Variants in FBXL7 observed in about 807,000 individuals in gnomAD.
The protein encoded by FBXL7 is F-box/LRR-repeat protein 7.
Under a neutral mutation model 38.3 loss-of-function variants are expected in FBXL7, and 12 were observed. That is an observed-to-expected ratio of 0.31 (90% confidence interval 0.20 to 0.51). The LOEUF is 0.51. FBXL7 is among the 20% of genes least tolerant of loss of function. The pLI is 0.98. For missense variants in FBXL7, 567 were observed against 676.4 expected, an observed-to-expected ratio of 0.84 and a Z score of 1.79; for synonymous variants, 297 against 300.9, an observed-to-expected ratio of 0.99 and a Z score of 0.13.
At chr5:15,846,657 G>A (rs1738912437) in intron 2 of FBXL7, among the ~76,000 whole-genome samples, 2 of 152,182 alleles carry the variant, frequency 1.3e-5, no homozygotes, top group Admixed American at 1.3e-4. Context: ...CTGACTGGTT[G>A]AGCTTAAAAT....
In FBXL7 at chr5:15,500,648, C is replaced by A; in HGVS notation, c.-29C>A. Reference sequence around the variant, plus strand: ...CGTGCGCCGCAGCTATGGAGTGTCCCGGGAGACGGCGGGCATGACGGCTAC... The same window carrying A: ...CGTGCGCCGCAGCTATGGAGTGTCCAGGGAGACGGCGGGCATGACGGCTAC... On this transcript the variant is annotated 5_prime_UTR_variant, in exon 1 of 4. Transcript: ENST00000504595. 1 of 1,613,404 alleles carries A rather than the reference C, an allele frequency of 6.2e-7. No homozygotes were observed. Among genetic ancestry groups the A allele is most frequent in the Non-Finnish European group, 8.5e-7 (1 of 1,179,550 alleles).
chr5:15,738,823 A>G (rs537397723), intron 2 of FBXL7, among the ~76,000 whole-genome samples: 2 of 152,328 alleles, frequency 1.3e-5, no homozygotes, highest in South Asian at 4.1e-4. Context: ...GTAGGGAAAG[A>G]AGACAACTAA....
intron 2 of FBXL7, among the ~76,000 whole-genome samples, chr5:15,757,431 A>G (rs1485034186): frequency 6.6e-6 from 1 of 152,056 alleles, no homozygotes; most frequent in African/African-American, 2.4e-5. Context: ...CGAACTTCAG[A>G]TACTAATCTC....
intron 2 of FBXL7, among the ~76,000 whole-genome samples, chr5:15,641,982 TG>T (rs1741382068): frequency 1.4e-5 from 2 of 144,512 alleles, no homozygotes; most frequent in Non-Finnish European, 3.1e-5. Context: ...TGTGTGTGTG[TG>T]TGTCCTATTG....
intron 1 of FBXL7, among the ~76,000 whole-genome samples, chr5:15,535,230 G>A (rs112252262): frequency 0.017 from 2,622 of 152,202 alleles, 82 homozygotes; most frequent in African/African-American, 0.06. Context: ...GAAAAAAAGC[G>A]AAATAATACA....
At chr5:15,805,342 G>A (rs1737680735) in intron 2 of FBXL7, among the ~76,000 whole-genome samples, 1 of 152,128 alleles carries the variant, frequency 6.6e-6, no homozygotes. Context: ...GGCCAGTGAG[G>A]AGGGATGTTA....
At chr5:15,553,890 T>A (rs892878490) in intron 1 of FBXL7, among the ~76,000 whole-genome samples, 2 of 152,190 alleles carry the variant, frequency 1.3e-5, no homozygotes, top group Admixed American at 1.3e-4. Flanking sequence ...CTCTTTCTCT[T>A]CCTCAGTGGG....
intron 2 of FBXL7, among the ~76,000 whole-genome samples, chr5:15,627,978 G>A (rs1201587476): frequency 1.3e-5 from 2 of 152,082 alleles, no homozygotes; most frequent in East Asian, 1.9e-4. Context: ...TTCTGTATAT[G>A]TAAAAAAGAA....
chr5:15,577,947 G>T (rs1561035777), intron 1 of FBXL7, among the ~76,000 whole-genome samples: 1 of 152,162 alleles, frequency 6.6e-6, no homozygotes. Flanking sequence ...GCATATTGCA[G>T]ATTGACATGG....
chr5:15,521,079 C>T (rs1737085784), intron 1 of FBXL7, among the ~76,000 whole-genome samples: 1 of 152,178 alleles, frequency 6.6e-6, no homozygotes, highest in African/African-American at 2.4e-5. Context: ...TCCCAGGATT[C>T]AAACTAGCTG....
At chr5:15,607,843 G>T (rs1740082098) in intron 1 of FBXL7, among the ~76,000 whole-genome samples, 1 of 152,176 alleles carries the variant, frequency 6.6e-6, no homozygotes, top group African/African-American at 2.4e-5. Flanking sequence ...TTGCTTTGAT[G>T]TTTGTTTGTA....
At chr5:15,663,731 T>C (rs1742167309) in intron 2 of FBXL7, among the ~76,000 whole-genome samples, 1 of 152,214 alleles carries the variant, frequency 6.6e-6, no homozygotes, top group African/African-American at 2.4e-5. Flanking sequence ...GCAAGTATTT[T>C]GTTGAGGGTT....
chr5:15,721,669 T>C (rs1266763238), intron 2 of FBXL7, among the ~76,000 whole-genome samples: 1 of 152,180 alleles, frequency 6.6e-6, no homozygotes, highest in African/African-American at 2.4e-5. Context: ...CCCTTCCTAC[T>C]ATGCCATTTC....
chr5:15,739,073 G>T (rs912596117), intron 2 of FBXL7, among the ~76,000 whole-genome samples: 1 of 152,176 alleles, frequency 6.6e-6, no homozygotes, highest in African/African-American at 2.4e-5. Flanking sequence ...TGTAACATTG[G>T]TTTCTCTCAT....
At chr5:15,933,900 G>A (rs1404354598) in intron 3 of FBXL7, among the ~76,000 whole-genome samples, 4 of 152,088 alleles carry the variant, frequency 2.6e-5, no homozygotes, top group Non-Finnish European at 5.9e-5. Context: ...AGAGCAGAGA[G>A]AAAATGAAAA....
At chr5:15,704,440 A>C (rs1743621075) in intron 2 of FBXL7, among the ~76,000 whole-genome samples, 1 of 152,138 alleles carries the variant, frequency 6.6e-6, no homozygotes, top group African/African-American at 2.4e-5. Context: ...TTGAGGTAAA[A>C]ATATTCTCTT....
chr5:15,759,090 C>A (rs1736373972), intron 2 of FBXL7, among the ~76,000 whole-genome samples: 1 of 152,174 alleles, frequency 6.6e-6, no homozygotes, highest in Non-Finnish European at 1.5e-5. Context: ...GAGGCACATA[C>A]TATAAGCCAT....
At chr5:15,804,601 G>A (rs191869478) in intron 2 of FBXL7, among the ~76,000 whole-genome samples, 65 of 152,238 alleles carry the variant, frequency 4.3e-4, no homozygotes, top group East Asian at 3.5e-3. Flanking sequence ...CCCCTAGGCC[G>A]CAGACCAGTA....
At chr5:15,906,023 T>C (rs1213768789) in intron 2 of FBXL7, among the ~76,000 whole-genome samples, 1 of 152,122 alleles carries the variant, frequency 6.6e-6, no homozygotes, top group Non-Finnish European at 1.5e-5. Flanking sequence ...GAATCCACCA[T>C]TCTGTTTATT....
Sources: gnomAD v4.1 joint callset for allele counts (sites outside exome capture counted in the v4.1 genomes callset) on GRCh38, gnomAD v4.1.1 for gene constraint, MANE v1.5 for transcripts, NCBI Gene and HGNC (gene_info 2026-07-23, HGNC 2026-07-21) for gene names.